Variants in EPM2A observed in about 807,000 individuals in gnomAD.
The protein encoded by EPM2A is EPM2A glucan phosphatase, laforin.
EPM2A carries 21 observed loss-of-function variants against 26.5 expected under a neutral mutation model. The ratio of observed to expected loss-of-function variants is 0.79; its 90% CI spans 0.56 to 1.14. The LOEUF (loss-of-function observed/expected upper bound fraction) is 1.14. EPM2A is among the 50% of genes most tolerant of loss of function. The pLI, the probability that EPM2A is intolerant of heterozygous loss-of-function variation, is 0.00. For synonymous variants in EPM2A, 217 were observed against 177.6 expected (o/e 1.22, Z -1.76); for missense variants, 458 against 440.8 (o/e 1.04, Z -0.35).
At chr6:145,481,004 A>T (rs992037380) in intron 4 of EPM2A, among the ~76,000 whole-genome samples, 3 of 152,068 alleles carry the variant, frequency 2.0e-5, no homozygotes, top group African/African-American at 4.8e-5. Context: ...CATCTTTTGA[A>T]AGTTAAGAGC....
chr6:145,390,034 C>A (rs989362767), intron 4 of EPM2A, among the ~76,000 whole-genome samples: 1 of 152,110 alleles, frequency 6.6e-6, no homozygotes, highest in Non-Finnish European at 1.5e-5. Flanking sequence ...CAGAAACAGA[C>A]AGAGAGAGAC....
chr6:145,408,369 T>C (rs574430209), intron 4 of EPM2A, among the ~76,000 whole-genome samples: 7 of 152,296 alleles, frequency 4.6e-5, no homozygotes, highest in African/African-American at 1.7e-4. Flanking sequence ...GAGAGAAAGA[T>C]GTACAAGAAG....
chr6:145,572,319 T>C lies in EPM2A; in HGVS notation c.340+62926A>G, dbSNP rs112686244. ...AAGGAACTCCCCATAAGGCCATTGG[T>C]GCAGGCTGGGAGAGAAGGCAGGATG... is the stretch of plus-strand genomic sequence containing the variant. On this transcript the variant is annotated intron_variant, in intron 2 of 3. Transcript: ENST00000450221. Among the ~76,000 whole-genome samples, 1,162 of 152,296 alleles carry C rather than the reference T, an allele frequency of 7.6e-3. 18 individuals carry two copies. Among genetic ancestry groups the C allele is most frequent in the African/African-American group, 0.026 (1,094 of 41,560 alleles).
intron 2 of EPM2A, among the ~76,000 whole-genome samples, chr6:145,655,515 A>C (rs1278014633): frequency 1.3e-5 from 2 of 152,172 alleles, no homozygotes; most frequent in Non-Finnish European, 2.9e-5. Flanking sequence ...AATAATATTA[A>C]AATAATATTT....
In EPM2A at chr6:145,452,489, C is replaced by CAA. The variant is rs563777945; in HGVS notation, c.555+50031_555+50032dup. ...TGAAACCCAGTCTCTACTAAAAATA[C>CAA]AAAAAAAAAAAAAAAAAAAAAAAAA... is the stretch of plus-strand genomic sequence containing the variant. On this transcript the variant is annotated intron_variant, in intron 4 of 4. Coordinates refer to the EPM2A transcript ENST00000638717. 2.0e-3 allele frequency among the ~76,000 whole-genome samples: 150 copies of CAA among 75,856 alleles called. 8 individuals are homozygous for CAA. The highest frequency in any genetic ancestry group is 5.1e-3 in the African/African-American group (84 of 16,416). 49.8% of individuals were successfully genotyped at this position (75,856 alleles called of 152,430 possible).
intron 2 of EPM2A, among the ~76,000 whole-genome samples, chr6:145,662,063 G>C (rs1778755402): frequency 6.6e-6 from 1 of 152,110 alleles, no homozygotes; most frequent in African/African-American, 2.4e-5. Context: ...AAGGAAATGG[G>C]TTTTTGAAAA....
intron 4 of EPM2A, chr6:145,490,822 T>C (rs899400574): frequency 1.6e-6 from 1 of 608,934 alleles, no homozygotes; most frequent in Non-Finnish European, 3.1e-6. Context: ...TAGGGTCAGA[T>C]GCATGGCCAT....
chr6:145,712,748 C>T (rs1470166037), intron 1 of EPM2A, among the ~76,000 whole-genome samples: 3 of 152,198 alleles, frequency 2.0e-5, no homozygotes, highest in African/African-American at 4.8e-5. Flanking sequence ...TCCACCATGA[C>T]TATGCTCCTA....
intron 2 of EPM2A, among the ~76,000 whole-genome samples, chr6:145,506,842 C>T (rs139731446): frequency 6.6e-6 from 1 of 152,248 alleles, no homozygotes; most frequent in African/African-American, 2.4e-5. Context: ...TTCAGACTGG[C>T]CCACTCTTCA....
chr6:145,599,960 T>C (rs992608066), intron 2 of EPM2A, among the ~76,000 whole-genome samples: 4 of 152,118 alleles, frequency 2.6e-5, no homozygotes, highest in African/African-American at 9.6e-5. Flanking sequence ...GGGCAAATAA[T>C]AGTTTATGTT....
chr6:145,541,760 A>G (rs1237871837), intron 2 of EPM2A, among the ~76,000 whole-genome samples: 1 of 152,182 alleles, frequency 6.6e-6, no homozygotes, highest in Non-Finnish European at 1.5e-5. Flanking sequence ...ACAAATTAAC[A>G]TGAGTATCTT....
intron 2 of EPM2A, among the ~76,000 whole-genome samples, chr6:145,529,645 G>T (rs1309102302): frequency 1.3e-5 from 2 of 152,134 alleles, no homozygotes; most frequent in Non-Finnish European, 2.9e-5. Flanking sequence ...TGACTCTCTT[G>T]TGATATTTGC....
intron 4 of EPM2A, among the ~76,000 whole-genome samples, chr6:145,389,718 T>TA (rs1778312291): frequency 6.6e-6 from 1 of 152,188 alleles, no homozygotes; most frequent in Non-Finnish European, 1.5e-5. Flanking sequence ...CCTTGCTTGA[T>TA]AAGCAGTGAA....
At chr6:145,599,260 T>A (rs546678263) in intron 2 of EPM2A, among the ~76,000 whole-genome samples, 1 of 152,302 alleles carries the variant, frequency 6.6e-6, no homozygotes, top group African/African-American at 2.4e-5. Context: ...TGTATGTCTC[T>A]CAGTTTTGAA....
downstream of EPM2A, among the ~76,000 whole-genome samples, chr6:145,623,074 TG>T (rs1775671535): frequency 6.6e-6 from 1 of 152,212 alleles, no homozygotes; most frequent in African/African-American, 2.4e-5. Flanking sequence ...CCTATAACAT[TG>T]TATGCTCTCA....
intron 1 of EPM2A, among the ~76,000 whole-genome samples, chr6:145,726,564 C>T (rs539879689): frequency 4.7e-4 from 71 of 152,046 alleles, no homozygotes; most frequent in East Asian, 9.7e-4. Context: ...TCATCACAAA[C>T]GGTAGTAAGT....
intron 2 of EPM2A, chr6:145,639,390 C>A (rs916802295): frequency 6.6e-6 from 1 of 152,154 alleles, no homozygotes; most frequent in Non-Finnish European, 1.5e-5. Context: ...ACATCTATTA[C>A]CAGGATCCAT....
At chr6:145,455,652 C>T (rs538763673) in intron 4 of EPM2A, among the ~76,000 whole-genome samples, 11 of 152,234 alleles carry the variant, frequency 7.2e-5, no homozygotes, top group African/African-American at 2.4e-4. Flanking sequence ...CCACCGCATC[C>T]GGCAATAACT....
intron 4 of EPM2A, among the ~76,000 whole-genome samples, chr6:145,412,505 A>G (rs1778657677): frequency 6.6e-6 from 1 of 152,172 alleles, no homozygotes; most frequent in Non-Finnish European, 1.5e-5. Flanking sequence ...TGGTCATATC[A>G]ACTGATTTTG....
Sources: allele counts gnomAD v4.1 joint callset (sites outside exome capture counted in the v4.1 genomes callset), GRCh38; gene constraint gnomAD v4.1.1; transcripts MANE v1.5; gene names NCBI Gene and HGNC (gene_info 2026-07-23, HGNC 2026-07-21).